RNF220: variants seen among roughly 807,000 people sequenced by gnomAD.
RNF220 encodes E3 ubiquitin-protein ligase RNF220.
A neutral mutation model predicts 67.1 loss-of-function variants in RNF220; 7 were observed. The ratio of observed to expected loss-of-function variants is 0.10; its 90% confidence interval spans 0.06 to 0.20. RNF220 has a LOEUF of 0.20. RNF220 is among the 10% of genes least tolerant of loss of function. RNF220 has a pLI of 1.00. For synonymous variants in RNF220, 270 were observed against 283.2 expected (o/e 0.95, Z 0.47); for missense variants, 565 against 740.3 (o/e 0.76, Z 2.75).
chr1:44,634,700 G>C (rs1409821279), intron 6 of RNF220, among the ~76,000 whole-genome samples: 1 of 152,236 alleles, frequency 6.6e-6, no homozygotes, highest in Non-Finnish European at 1.5e-5. Flanking sequence ...GGGCTACAGA[G>C]AGGGATTAGT....
chr1:44,437,225 C>T lies in RNF220; in HGVS notation c.625+24503C>T, dbSNP rs376535230. Among the ~76,000 whole-genome samples the T allele has an allele frequency of 3.9e-5, 6 of 152,138 alleles. No individual in the cohort carries two copies. In the East Asian group the frequency reaches 9.6e-4, roughly 24 times the overall value. ...CCAAGTGAGCAGCTAAAGCTAAAGT[C>T]GATTGCATAGACACAGCTGTGGGTG... On this transcript the variant is annotated intron_variant, in intron 2 of 14. Coordinates refer to ENST00000361799, the MANE Select transcript of RNF220 (RefSeq NM_018150.4).
chr1:44,434,950 C>T (rs1450946887), intron 2 of RNF220, among the ~76,000 whole-genome samples: 4 of 150,940 alleles, frequency 2.7e-5, no homozygotes, highest in African/African-American at 9.8e-5. Context: ...TCGCTTGAGC[C>T]TAGTAGTTCA....
chr1:44,639,092 G>T (rs866729833), intron 8 of RNF220, among the ~76,000 whole-genome samples: 31 of 152,228 alleles, frequency 2.0e-4, no homozygotes, highest in African/African-American at 7.2e-4. Context: ...AGGGAGAAAA[G>T]ATGTTTTTCT....
Position 44,542,433 on chromosome 1 carries a change from T to C in RNF220, c.626-71732T>C, listed in dbSNP as rs559036684. On this transcript the variant is annotated intron_variant, in intron 2 of 14. Coordinates refer to ENST00000361799, the MANE Select transcript of RNF220 (RefSeq NM_018150.4). ...TGCCCCTGTACTTTAGGATGTCCTATGGGGGAGGGAGGAGGATATAGGGAA... is the reference window on the plus strand; with the variant it reads ...TGCCCCTGTACTTTAGGATGTCCTACGGGGGAGGGAGGAGGATATAGGGAA... Among the ~76,000 whole-genome samples the C allele has an allele frequency of 2.0e-5, 3 of 152,218 alleles. No homozygotes were observed. In the East Asian group the frequency reaches 5.8e-4, roughly 30 times the overall value.
chr1:44,405,164 C>A, upstream of RNF220: 1 of 250,592 alleles, frequency 4.0e-6, no homozygotes, highest in African/African-American at 2.3e-5. Context: ...GCTCAGAGTG[C>A]CTGTATGTGT....
chr1:44,644,746 C>T lies in RNF220; in HGVS notation c.1175C>T (p.Ala392Val), dbSNP rs1261064684. The T allele has an allele frequency of 3.1e-6, 5 of 1,614,030 alleles. No homozygotes were observed. The highest frequency in any genetic ancestry group is 3.4e-6 in the Non-Finnish European group (4 of 1,180,012). ...GGCAAAGAGAACCCGGACAGTGATG[C>T]TGACTTGGATGTGGATGGGGATGAC... ...CSGKENPDSD[A>V]DLDVDGDDTL... Residue 392 changes from alanine to valine, a missense_variant, in exon 9 of 15, where the codon GCT (alanine) becomes GTT (valine). Coordinates refer to ENST00000361799, the MANE Select transcript of RNF220 (RefSeq NM_018150.4).
chr1:44,571,062 A>G (rs575927145), intron 2 of RNF220, among the ~76,000 whole-genome samples: 57 of 149,510 alleles, frequency 3.8e-4, no homozygotes, highest in African/African-American at 1.2e-3. Flanking sequence ...TGACAGAGAG[A>G]GACTCCATCT....
chr1:44,626,628 C>T, intron 5 of RNF220: 1 of 565,636 alleles, frequency 1.8e-6, no homozygotes, highest in Non-Finnish European at 3.2e-6. Flanking sequence ...CACATGGGCT[C>T]CATGGGCTCT....
intron 2 of RNF220, among the ~76,000 whole-genome samples, chr1:44,444,668 T>C (rs1348648307): frequency 6.6e-6 from 1 of 152,156 alleles, no homozygotes; most frequent in Non-Finnish European, 1.5e-5. Flanking sequence ...CTCAAACTCC[T>C]GGACTCAAGC....
intron 2 of RNF220, among the ~76,000 whole-genome samples, chr1:44,591,708 G>A (rs1438612345): frequency 3.9e-5 from 6 of 152,154 alleles, no homozygotes; most frequent in South Asian, 2.1e-4. Context: ...TGAAATGCCC[G>A]CAGAAAGAAG....
intron 2 of RNF220, among the ~76,000 whole-genome samples, chr1:44,526,321 A>G (rs1200390708): frequency 1.3e-5 from 2 of 151,992 alleles, no homozygotes; most frequent in African/African-American, 2.4e-5. Flanking sequence ...CTCTCAAAAT[A>G]TTTCTCTTCA....
intron 2 of RNF220, among the ~76,000 whole-genome samples, chr1:44,588,888 C>G (rs1234476203): frequency 6.6e-6 from 1 of 152,226 alleles, no homozygotes; most frequent in Non-Finnish European, 1.5e-5. Context: ...TCAGACTCTG[C>G]CATCTCAGGC....
At position 44,550,236 on chromosome 1, in the gene RNF220, T is replaced by C. The variant is rs190408272; in HGVS notation, c.626-63929T>C. ...AGAGGGCCAGGGGCTTTTGGAGAAG[T>C]GGGCCAAGAAGGCTCGAGAAGAAGC... is the stretch of plus-strand genomic sequence containing the variant. On this transcript the variant is annotated intron_variant, in intron 2 of 14. Transcript: ENST00000361799. Among the ~76,000 whole-genome samples, 4 of 152,332 alleles carry C rather than the reference T, an allele frequency of 2.6e-5. No homozygotes were observed. In the East Asian group the frequency reaches 7.7e-4, roughly 29 times the overall value.
At chr1:44,431,500 CAAA>C (rs34244024) in intron 2 of RNF220, among the ~76,000 whole-genome samples, 12 of 90,470 alleles carry the variant, frequency 1.3e-4, no homozygotes, top group South Asian at 3.5e-4. Flanking sequence ...GACTTCATCT[CAAA>C]AAAAAAAAAA....
At chr1:44,544,012 G>T (rs1332003080) in intron 2 of RNF220, among the ~76,000 whole-genome samples, 7 of 152,206 alleles carry the variant, frequency 4.6e-5, no homozygotes, top group Admixed American at 6.5e-5. Flanking sequence ...GGACAGCAGA[G>T]CATCCCACTG....
chr1:44,632,400 G>GCCCCAGCCC lies in RNF220; in HGVS notation c.949+19_949+20insAGCCCCCCC. On this transcript the variant is annotated intron_variant, in intron 6 of 14. Coordinates refer to ENST00000361799, the MANE Select transcript of RNF220 (RefSeq NM_018150.4). Reference sequence around the variant, plus strand: ...CCGACTGAATGGTGAGTCCTGCCCGGCCCCTCCCTCCGCCCCACCCCCGGC... The same window carrying GCCCCAGCCC: ...CCGACTGAATGGTGAGTCCTGCCCGGCCCCAGCCCCCCCTCCCTCCGCCCCACCCCCGGC... 4 of 1,607,438 alleles carry GCCCCAGCCC rather than the reference G, an allele frequency of 2.5e-6. No individual in the cohort carries two copies. The highest frequency in any genetic ancestry group is 1.7e-6 in the Non-Finnish European group (2 of 1,177,486).
chr1:44,594,354 A>G (rs1666325395), intron 2 of RNF220, among the ~76,000 whole-genome samples: 1 of 151,994 alleles, frequency 6.6e-6, no homozygotes, highest in Admixed American at 6.6e-5. Context: ...GACTGGGCTA[A>G]TGGACATGCT....
At chr1:44,567,753 C>CT (rs1201153347) in intron 2 of RNF220, among the ~76,000 whole-genome samples, 2 of 152,150 alleles carry the variant, frequency 1.3e-5, no homozygotes, top group African/African-American at 4.8e-5. Context: ...TCAGTACACT[C>CT]TGACTGGAGC....
intron 12 of RNF220, among the ~76,000 whole-genome samples, chr1:44,646,360 C>T (rs1053754964): frequency 5.3e-5 from 8 of 152,250 alleles, no homozygotes; most frequent in Non-Finnish European, 1.5e-5. Context: ...TGTGGTTGAT[C>T]AGTTTATCTC....
Sources: allele counts gnomAD v4.1 joint callset (sites outside exome capture counted in the v4.1 genomes callset), GRCh38; gene constraint gnomAD v4.1.1; transcripts MANE v1.5; gene names NCBI Gene and HGNC (gene_info 2026-07-23, HGNC 2026-07-21).